The following PACC1 variants were observed in gnomAD, a reference collection of about 807,000 sequenced individuals.
The protein encoded by PACC1 is proton-activated chloride channel.
Under a neutral mutation model 39.7 loss-of-function variants are expected in PACC1, and 34 were observed. That is an observed-to-expected ratio of 0.86 (90% confidence interval 0.65 to 1.14). The LOEUF is 1.14. PACC1 is among the 50% of genes most tolerant of loss of function. PACC1 has a pLI of 0.00. For synonymous variants in PACC1, 127 were observed against 160.6 expected (o/e 0.79, Z 1.58); for missense variants, 379 against 436.4 (o/e 0.87, Z 1.17).
chr1:212,370,402 G>C (rs1421087564), intron 7 of PACC1, among the ~76,000 whole-genome samples: 1 of 152,232 alleles, frequency 6.6e-6, no homozygotes, highest in Non-Finnish European at 1.5e-5. Flanking sequence ...CCGGGAGGCA[G>C]AGCTTGCAGT....
In PACC1 at chr1:212,365,121, G is replaced by A. The variant is rs1283026778; in HGVS notation, c.*94C>T. 5.4e-6 allele frequency: 7 copies of A among 1,307,640 alleles called. No homozygotes were observed. Among genetic ancestry groups the A allele is most frequent in the Non-Finnish European group, 7.3e-6 (7 of 963,216 alleles). 81.0% of individuals were successfully genotyped at this position (1,307,640 alleles called of 1,614,324 possible). A position where few individuals can be genotyped will look rare whatever the true frequency, so the allele number is the denominator to read the frequency against. On this transcript the variant is annotated 3_prime_UTR_variant, in exon 8 of 8. Coordinates refer to ENST00000261455, the MANE Select transcript of PACC1 (RefSeq NM_018252.3). ...TCCCAGCAAGGCCCCATTTCTTCAAGTGAGTACAGGATTGTTGATAGCTCC... is the reference window on the plus strand; with the variant it reads ...TCCCAGCAAGGCCCCATTTCTTCAAATGAGTACAGGATTGTTGATAGCTCC...
Position 212,385,523 on chromosome 1 carries a change from C to A in PACC1, c.344-98G>T, listed in dbSNP as rs536023192. 1.4e-5 allele frequency: 18 copies of A among 1,296,520 alleles called. No homozygotes were observed. The African/African-American group carries it at 1.6e-4, about 12-fold the overall frequency. 80.3% of individuals were successfully genotyped at this position (1,296,520 alleles called of 1,614,324 possible). A position where few individuals can be genotyped will look rare whatever the true frequency, so the allele number is the denominator to read the frequency against. ...CTACCAACAACCTACGTTCTGGACTCCCTGGAGGACTGCAGGGAAGGGAGA... is the reference window on the plus strand; with the variant it reads ...CTACCAACAACCTACGTTCTGGACTACCTGGAGGACTGCAGGGAAGGGAGA... On this transcript the variant is annotated intron_variant, in intron 3 of 7. Transcript: ENST00000261455.
At chr1:212,377,235 C>T (rs968180405) in intron 6 of PACC1, among the ~76,000 whole-genome samples, 19 of 152,188 alleles carry the variant, frequency 1.2e-4, no homozygotes, top group Non-Finnish European at 2.6e-4. Flanking sequence ...ATCTGCTAGG[C>T]CACTGCCAGC....
At chr1:212,377,853 C>T (rs950729084) in intron 5 of PACC1, 147 bp from the exon 6 acceptor site, 2 of 850,156 alleles carry the variant, frequency 2.4e-6, no homozygotes, top group Non-Finnish European at 3.6e-6. Flanking sequence ...ATTGCCTCAA[C>T]AGGGCTGTCA....
intron 1 of PACC1, chr1:212,414,050 G>C: frequency 1.3e-6 from 2 of 1,535,456 alleles, no homozygotes; most frequent in South Asian, 2.4e-5. Context: ...AGGAGGCAGG[G>C]CTTGCTTGAA....
chr1:212,400,539 T>G (rs1317703587), intron 2 of PACC1, among the ~76,000 whole-genome samples: 1 of 152,158 alleles, frequency 6.6e-6, no homozygotes, highest in South Asian at 2.1e-4. Flanking sequence ...AAATAAAAAC[T>G]GTAAAACTAT....
At chr1:212,401,945 G>A (rs532321316) in intron 2 of PACC1, among the ~76,000 whole-genome samples, 1 of 152,230 alleles carries the variant, frequency 6.6e-6, no homozygotes, top group South Asian at 2.1e-4. Flanking sequence ...AAAGTGCTGG[G>A]ACTACAGGCA....
intron 1 of PACC1, chr1:212,414,100 A>C (rs1212733338): frequency 6.6e-7 from 1 of 1,514,946 alleles, no homozygotes; most frequent in African/African-American, 1.4e-5. Flanking sequence ...AGGACAGAGA[A>C]GAGACAAAGA....
intron 2 of PACC1, among the ~76,000 whole-genome samples, chr1:212,400,755 G>A (rs138075720): frequency 6.6e-6 from 1 of 152,334 alleles, no homozygotes; most frequent in African/African-American, 2.4e-5. Context: ...CAAACTCAGG[G>A]TAGTAGGAAG....
At chr1:212,395,170 T>C (rs1315577380) in intron 2 of PACC1, among the ~76,000 whole-genome samples, 5 of 152,176 alleles carry the variant, frequency 3.3e-5, no homozygotes, top group African/African-American at 9.7e-5. Context: ...GGCATCACGC[T>C]ACCTGACTTC....
chr1:212,390,682 C>T lies in PACC1; in HGVS notation c.134-3582G>A, dbSNP rs371590530. On this transcript the variant is annotated intron_variant, in intron 2 of 7. Coordinates refer to ENST00000261455, the MANE Select transcript of PACC1 (RefSeq NM_018252.3). ...GGAAGCAGAAAGGGTCAGGGAATTCCCTTTCATAGCCAAGCAAAGCTGTGA... is the reference window on the plus strand; with the variant it reads ...GGAAGCAGAAAGGGTCAGGGAATTCTCTTTCATAGCCAAGCAAAGCTGTGA... 3.9e-5 allele frequency among the ~76,000 whole-genome samples: 6 copies of T among 152,298 alleles called. No homozygotes were observed. In the South Asian group the frequency reaches 8.3e-4, roughly 21 times the overall value.
intron 2 of PACC1, among the ~76,000 whole-genome samples, chr1:212,389,263 G>T (rs566660781): frequency 6.6e-6 from 1 of 152,146 alleles, no homozygotes; most frequent in Admixed American, 6.5e-5. Flanking sequence ...AGCCACACAG[G>T]GGGTGAAACT....
intron 2 of PACC1, among the ~76,000 whole-genome samples, chr1:212,390,906 C>T (rs566742964): frequency 6.6e-6 from 1 of 152,334 alleles, no homozygotes; most frequent in East Asian, 1.9e-4. Context: ...GGGCACCTGC[C>T]ATGGCTGAGG....
In PACC1 at chr1:212,365,212, A is replaced by AC; in HGVS notation, c.*2dup. The AC allele has an allele frequency of 5.6e-6, 9 of 1,612,628 alleles. No homozygotes were observed. Among genetic ancestry groups the AC allele is most frequent in the Non-Finnish European group, 7.6e-6 (9 of 1,179,476 alleles). On this transcript the variant is annotated 3_prime_UTR_variant, in exon 8 of 8. Coordinates refer to ENST00000261455, the MANE Select transcript of PACC1 (RefSeq NM_018252.3). Reference sequence around the variant, plus strand: ...ACAGTTCTCTAAACAACGCGAGGTGACTTCAGCTTATGTGGCTCGTTGCCT... The same window carrying AC: ...ACAGTTCTCTAAACAACGCGAGGTGACCTTCAGCTTATGTGGCTCGTTGCCT...
At chr1:212,391,280 C>A (rs925705149) in intron 2 of PACC1, among the ~76,000 whole-genome samples, 1 of 152,210 alleles carries the variant, frequency 6.6e-6, no homozygotes, top group Admixed American at 6.5e-5. Context: ...ATTGGCTGTT[C>A]ATCAATATTC....
chr1:212,374,807 G>T (rs1334799921), intron 7 of PACC1, among the ~76,000 whole-genome samples: 1 of 152,178 alleles, frequency 6.6e-6, no homozygotes, highest in African/African-American at 2.4e-5. Flanking sequence ...TGCAACTGCA[G>T]TAACCTGTAT....
chr1:212,379,165 G>T (rs1051734906), intron 5 of PACC1, among the ~76,000 whole-genome samples: 1 of 151,960 alleles, frequency 6.6e-6, no homozygotes, highest in Non-Finnish European at 1.5e-5. Flanking sequence ...GGATGGTCTC[G>T]ATCTCCTGAC....
At chr1:212,387,666 A>C (rs1269995183) in intron 2 of PACC1, 1 of 153,162 alleles carries the variant, frequency 6.5e-6, no homozygotes, top group African/African-American at 2.4e-5. Context: ...CACTCATCCT[A>C]AGCCCCGAAA....
At chr1:212,369,199 GC>G (rs1376869321) in intron 7 of PACC1, among the ~76,000 whole-genome samples, 2 of 152,092 alleles carry the variant, frequency 1.3e-5, no homozygotes, top group East Asian at 3.9e-4. Context: ...TTTTTTATAA[GC>G]CTTATGGTAA....
Sources: gnomAD v4.1 joint callset for allele counts (sites outside exome capture counted in the v4.1 genomes callset) on GRCh38, gnomAD v4.1.1 for gene constraint, MANE v1.5 for transcripts, NCBI Gene and HGNC (gene_info 2026-07-23, HGNC 2026-07-21) for gene names.